Variants in MSH4 observed in about 807,000 individuals in gnomAD.
MSH4 encodes the protein mutS homolog 4.
Under a neutral mutation model 113.7 loss-of-function variants are expected in MSH4, and 106 were observed. The ratio of observed to expected loss-of-function variants is 0.93; its 90% confidence interval spans 0.80 to 1.10. The LOEUF is 1.10. MSH4 is among the 50% of genes least tolerant of loss of function. The pLI is 0.00. For missense variants in MSH4, 1,061 were observed against 1,093.7 expected (o/e 0.97, Z 0.42); for synonymous variants, 368 against 380.2 (o/e 0.97, Z 0.37).
intron 9 of MSH4, among the ~76,000 whole-genome samples, chr1:75,870,599 T>G (rs115858583): frequency 0.012 from 1,810 of 152,260 alleles, 34 homozygotes; most frequent in African/African-American, 0.042. Flanking sequence ...GATGGTTGTT[T>G]AAAGGGGAGT....
chr1:75,877,134 A>C (rs1651833599), intron 10 of MSH4, 134 bp downstream of exon 10: 1 of 451,130 alleles, frequency 2.2e-6, no homozygotes, highest in African/African-American at 2.0e-5. Flanking sequence ...TAACCTATTC[A>C]TCAAAATTCT....
At chr1:75,853,080 TTTGA>T (rs1651224696) in intron 8 of MSH4, among the ~76,000 whole-genome samples, 2 of 149,020 alleles carry the variant, frequency 1.3e-5, no homozygotes, top group East Asian at 1.9e-4. Context: ...TGTTTGTTTG[TTTGA>T]GACAGAGTTT....
At chr1:75,815,853 C>T (rs147507258) in intron 5 of MSH4, among the ~76,000 whole-genome samples, 176 of 152,030 alleles carry the variant, frequency 1.2e-3, no homozygotes, top group African/African-American at 4.1e-3. Flanking sequence ...ACCAAAAATA[C>T]AAAAATTACC....
chr1:75,810,486 C>G (rs1650168502), intron 3 of MSH4, among the ~76,000 whole-genome samples: 1 of 147,994 alleles, frequency 6.8e-6, no homozygotes, highest in South Asian at 2.2e-4. Flanking sequence ...AACTCCTGGC[C>G]TCAAGTGATC....
intron 7 of MSH4, among the ~76,000 whole-genome samples, chr1:75,824,908 T>G (rs1261129199): frequency 6.6e-6 from 1 of 151,338 alleles, no homozygotes; most frequent in African/African-American, 2.4e-5. Context: ...AGCTTTGTTT[T>G]TTTTTTTTTT....
At chr1:75,808,538 G>C (rs914478770) in intron 3 of MSH4, among the ~76,000 whole-genome samples, 3 of 152,098 alleles carry the variant, frequency 2.0e-5, no homozygotes, top group Admixed American at 2.0e-4. Context: ...TTCCAGAACT[G>C]TGTTTTTGGG....
chr1:75,828,083 A>G (rs973027562), intron 7 of MSH4, among the ~76,000 whole-genome samples: 2 of 152,228 alleles, frequency 1.3e-5, no homozygotes, highest in Non-Finnish European at 2.9e-5. Context: ...TCCTCAGAAA[A>G]GTACAAATCA....
At chr1:75,894,605 G>A (rs1238768436) in intron 17 of MSH4, among the ~76,000 whole-genome samples, 8 of 152,198 alleles carry the variant, frequency 5.3e-5, no homozygotes, top group Non-Finnish European at 1.2e-4. Context: ...CCTTCTGTAT[G>A]TGTAATGTTT....
intron 7 of MSH4, among the ~76,000 whole-genome samples, chr1:75,827,485 C>A (rs539787372): frequency 6.6e-6 from 1 of 151,934 alleles, no homozygotes. Context: ...TCACACATAA[C>A]AATATTAACC....
chr1:75,884,304 T>C (rs1425203992), intron 15 of MSH4, among the ~76,000 whole-genome samples: 1 of 152,100 alleles, frequency 6.6e-6, no homozygotes, highest in East Asian at 1.9e-4. Context: ...ATATTATACA[T>C]ACACATGTGC....
intron 18 of MSH4, among the ~76,000 whole-genome samples, chr1:75,898,715 A>G (rs1279791728): frequency 1.3e-5 from 2 of 152,084 alleles, no homozygotes; most frequent in Non-Finnish European, 2.9e-5. Context: ...GATACTTTCT[A>G]TTTAAATCAT....
At chr1:75,814,460 G>C (rs1339474620) in intron 4 of MSH4, among the ~76,000 whole-genome samples, 1 of 151,850 alleles carries the variant, frequency 6.6e-6, no homozygotes, top group African/African-American at 2.4e-5. Flanking sequence ...GTGAGACCCT[G>C]TCTCAAAAAG....
chr1:75,802,046 A>G (rs538235223), intron 1 of MSH4, among the ~76,000 whole-genome samples: 7 of 151,946 alleles, frequency 4.6e-5, no homozygotes, highest in African/African-American at 9.6e-5. Flanking sequence ...GCATGAGCCT[A>G]TAGTCCCAGC....
chr1:75,886,875 A>T (rs1472137681), intron 15 of MSH4, among the ~76,000 whole-genome samples: 2 of 147,042 alleles, frequency 1.4e-5, no homozygotes, highest in East Asian at 3.9e-4. Context: ...CATTTATTTC[A>T]CATTTATTCT....
At chr1:75,834,769 G>T (rs1290976949) in intron 7 of MSH4, among the ~76,000 whole-genome samples, 2 of 152,084 alleles carry the variant, frequency 1.3e-5, no homozygotes, top group Non-Finnish European at 2.9e-5. Flanking sequence ...CACACACCAG[G>T]GTCTGTCGTG....
intron 7 of MSH4, among the ~76,000 whole-genome samples, chr1:75,831,621 A>C (rs1218242648): frequency 6.6e-6 from 1 of 152,262 alleles, no homozygotes; most frequent in Non-Finnish European, 1.5e-5. Flanking sequence ...AGAACTGAGG[A>C]TTAAGAAACA....
intron 17 of MSH4, among the ~76,000 whole-genome samples, chr1:75,893,849 A>C (rs906639753): frequency 2.0e-5 from 3 of 152,188 alleles, no homozygotes; most frequent in African/African-American, 7.2e-5. Context: ...TGTGCATTTA[A>C]TGTTGCAACT....
chr1:75,885,025 A>ATGTGTG (rs1652034093), intron 15 of MSH4, among the ~76,000 whole-genome samples: 3 of 121,484 alleles, frequency 2.5e-5, no homozygotes, highest in African/African-American at 1.1e-4. Context: ...GTGTATATAT[A>ATGTGTG]TATATGTGTG....
intron 19 of MSH4, among the ~76,000 whole-genome samples, chr1:75,911,499 T>C (rs1381316524): frequency 6.6e-6 from 1 of 152,132 alleles, no homozygotes; most frequent in Admixed American, 6.5e-5. Context: ...CCTCTGAGTA[T>C]TTTATGGCTG....
Sources: gnomAD v4.1 joint callset for allele counts (sites outside exome capture counted in the v4.1 genomes callset) on GRCh38, gnomAD v4.1.1 for gene constraint, MANE v1.5 for transcripts, NCBI Gene and HGNC (gene_info 2026-07-23, HGNC 2026-07-21) for gene names.